The following ANK1 variants were observed in gnomAD, a reference collection of about 807,000 sequenced individuals.
The protein encoded by ANK1 is ankyrin 1, also known as ankyrin-1.
A neutral mutation model predicts 210.4 loss-of-function variants in ANK1; 51 were observed. That is an observed-to-expected ratio of 0.24 (90% CI 0.19 to 0.31). The LOEUF (loss-of-function observed/expected upper bound fraction) is 0.31, where lower values mean the gene tolerates loss of function less well. ANK1 is among the 10% of genes least tolerant of loss of function. The probability of loss-of-function intolerance (pLI) is 1.00; values close to 1 mark genes in which losing one functional copy is unlikely to be tolerated. For synonymous variants in ANK1, 967 were observed against 1,025.9 expected, an observed-to-expected ratio of 0.94 and a Z score of 1.10; for missense variants, 2,051 against 2,504.4, an observed-to-expected ratio of 0.82 and a Z score of 3.86.
At chr8:41,675,393 G>A (rs574640617) in intron 37 of ANK1, among the ~76,000 whole-genome samples, 28 of 152,162 alleles carry the variant, frequency 1.8e-4, no homozygotes, top group Non-Finnish European at 3.1e-4. Context: ...CACTGAGCCC[G>A]GCCACTGAGC....
chr8:41,676,440 CTTA>C (rs968295072), intron 37 of ANK1, among the ~76,000 whole-genome samples: 19 of 152,110 alleles, frequency 1.2e-4, no homozygotes, highest in African/African-American at 3.9e-4. Context: ...GAGTTGTTTT[CTTA>C]TTATTAAGTT....
chr8:41,837,609 C>T (rs934865033), intron 1 of ANK1, among the ~76,000 whole-genome samples: 15 of 152,202 alleles, frequency 9.9e-5, no homozygotes, highest in Admixed American at 4.6e-4. Flanking sequence ...TGGTGGCTCA[C>T]GCCTGTAATC....
chr8:41,819,575 C>T (rs1803867869), intron 1 of ANK1, among the ~76,000 whole-genome samples: 1 of 152,190 alleles, frequency 6.6e-6, no homozygotes, highest in African/African-American at 2.4e-5. Context: ...CCAGGCAGGA[C>T]CTACTGGGAT....
intron 1 of ANK1, among the ~76,000 whole-genome samples, chr8:41,834,450 T>C (rs2150799862): frequency 6.6e-6 from 1 of 152,340 alleles, no homozygotes; most frequent in South Asian, 2.1e-4. Flanking sequence ...TGCAAACCCC[T>C]GGCTCATGCC....
In ANK1 at chr8:41,802,690, T is replaced by A. The variant is rs1185202037; in HGVS notation, c.127-44553A>T. ...TGGGCACAGTGGCCTACACCTGTCA[T>A]CCCAGCACTCTGGGAGGCCGATCAC... is the stretch of plus-strand genomic sequence containing the variant. On this transcript the variant is annotated intron_variant, in intron 1 of 42. Transcript: ENST00000265709. 9.9e-5 allele frequency among the ~76,000 whole-genome samples: 15 copies of A among 152,108 alleles called. No individual in the cohort carries two copies. The East Asian group carries it at 1.9e-3, about 20-fold the overall frequency.
At chr8:41,878,488 G>T (rs1816997638) in intron 1 of ANK1, among the ~76,000 whole-genome samples, 1 of 152,176 alleles carries the variant, frequency 6.6e-6, no homozygotes. Flanking sequence ...AGCTCCTCTG[G>T]ACATCCCAGA....
At chr8:41,809,598 C>T (rs184809098) in intron 1 of ANK1, among the ~76,000 whole-genome samples, 27 of 152,186 alleles carry the variant, frequency 1.8e-4, no homozygotes, top group Non-Finnish European at 2.6e-4. Flanking sequence ...AAGACCCCAC[C>T]TGTACAAAAA....
intron 15 of ANK1, 27 bp from the exon 16 acceptor site, chr8:41,714,281 C>T (rs747955253): frequency 1.9e-5 from 29 of 1,526,908 alleles, no homozygotes; most frequent in Non-Finnish European, 2.4e-5. Flanking sequence ...CAAAAGAGGC[C>T]GGCTGTCACT....
In ANK1 at chr8:41,794,965, A is replaced by G. The variant is rs571478588; in HGVS notation, c.27+2547T>C. Among the ~76,000 whole-genome samples, 44 of 152,052 alleles carry G rather than the reference A, an allele frequency of 2.9e-4. 1 individual carries two copies. In the East Asian group the frequency reaches 7.8e-3, roughly 27 times the overall value. On this transcript the variant is annotated intron_variant, in intron 1 of 42. Coordinates refer to ENST00000289734, the MANE Select transcript of ANK1 (RefSeq NM_000037.4). The stretch of plus-strand genomic sequence containing the variant: ...ATGATCCACCTGCCTTGGCCTCCCA[A>G]AGTGCTGGGATTACCGGCGTGAGCC...
chr8:41,865,391 C>G (rs1814203954), intron 1 of ANK1, among the ~76,000 whole-genome samples: 1 of 152,076 alleles, frequency 6.6e-6, no homozygotes, highest in Admixed American at 6.6e-5. Context: ...GGGTGCCCAC[C>G]ATGCCTAACA....
chr8:41,723,005 AG>A, intron 9 of ANK1, 119 bp downstream of exon 9: 1 of 893,910 alleles, frequency 1.1e-6, no homozygotes, highest in Non-Finnish European at 1.9e-6. Context: ...TAAATGTCAA[AG>A]GTGCTATCTC....
intron 33 of ANK1, among the ~76,000 whole-genome samples, chr8:41,689,573 G>A (rs1352081671): frequency 6.6e-6 from 1 of 152,186 alleles, no homozygotes; most frequent in Non-Finnish European, 1.5e-5. Context: ...AACAACAGCA[G>A]CAAAACAACA....
rs188432746 is a variant in ANK1, at chr8:41,808,766, T to G, written c.127-50629A>C. ...GCACACAGATGCTTCCTAAATTTTTTTTGCTAATTTAAACGTTACAGTTAA... is the reference window on the plus strand; with the variant it reads ...GCACACAGATGCTTCCTAAATTTTTGTTGCTAATTTAAACGTTACAGTTAA... On this transcript the variant is annotated intron_variant, in intron 1 of 42. Coordinates refer to the ANK1 transcript ENST00000265709. Among the ~76,000 whole-genome samples, 163 of 152,298 alleles carry G rather than the reference T, an allele frequency of 1.1e-3. 3 individuals carry two copies. Among genetic ancestry groups the G allele is most frequent in the Admixed American group, 9.8e-3 (150 of 15,298 alleles).
intron 13 of ANK1, among the ~76,000 whole-genome samples, chr8:41,716,137 C>T (rs1827610734): frequency 6.6e-6 from 1 of 152,194 alleles, no homozygotes; most frequent in South Asian, 2.1e-4. Flanking sequence ...ATAACGTCTA[C>T]TTGCTAGGGC....
chr8:41,753,285 C>T (rs184465945), intron 2 of ANK1, among the ~76,000 whole-genome samples: 182 of 152,116 alleles, frequency 1.2e-3, no homozygotes, highest in Middle Eastern at 3.4e-3. Context: ...AGGCTGGTCT[C>T]GAACACTTGA....
At chr8:41,842,492 CAA>C (rs142348107) in intron 1 of ANK1, among the ~76,000 whole-genome samples, 1 of 139,938 alleles carries the variant, frequency 7.1e-6, no homozygotes. Flanking sequence ...GACTCTATCT[CAA>C]AAAAAAAAAA....
Position 41,714,146 on chromosome 8 carries a change from C to G in ANK1, c.1800+10G>C, listed in dbSNP as rs753202839. On this transcript the variant is annotated intron_variant, in intron 16 of 42. Transcript: ENST00000289734. ...CTCCAGGGGCAGCTGGGGAGAGGGG[C>G]GGGCCTTACCCAGGCAGGGCTGTGC... 2 of 1,342,676 alleles carry G rather than the reference C, an allele frequency of 1.5e-6. No homozygotes were observed. The highest frequency in any genetic ancestry group is 2.5e-5 in the South Asian group (1 of 39,452). 83.2% of individuals were successfully genotyped at this position (1,342,676 alleles called of 1,614,324 possible). A position where few individuals can be genotyped will look rare whatever the true frequency, so the allele number is the denominator to read the frequency against.
At chr8:41,765,241 C>T in intron 1 of ANK1, among the ~76,000 whole-genome samples, 1 of 148,298 alleles carries the variant, frequency 6.7e-6, no homozygotes, top group Non-Finnish European at 1.5e-5. Flanking sequence ...TCTCTCTTCT[C>T]CATTTCTTTC....
intron 1 of ANK1, among the ~76,000 whole-genome samples, chr8:41,846,109 C>T (rs773351647): frequency 6.6e-6 from 1 of 152,224 alleles, no homozygotes; most frequent in African/African-American, 2.4e-5. Context: ...CTGCACTGCA[C>T]TGTGTCTCCA....
Sources: gnomAD v4.1 joint callset for allele counts (sites outside exome capture counted in the v4.1 genomes callset) on GRCh38, gnomAD v4.1.1 for gene constraint, MANE v1.5 for transcripts, NCBI Gene and HGNC (gene_info 2026-07-23, HGNC 2026-07-21) for gene names.